HECW1: variants seen among roughly 807,000 people sequenced by gnomAD.
The protein encoded by HECW1 is E3 ubiquitin-protein ligase HECW1.
HECW1 carries 61 observed loss-of-function variants against 182.3 expected under a neutral mutation model. That is an observed-to-expected ratio of 0.33 (90% CI 0.27 to 0.41). The LOEUF (loss-of-function observed/expected upper bound fraction) is 0.41. Ranked by LOEUF, HECW1 falls within the 10% of genes least tolerant of loss-of-function variation. The probability of loss-of-function intolerance (pLI) is 1.00; values close to 1 mark genes in which losing one functional copy is unlikely to be tolerated. For synonymous variants in HECW1, 859 were observed against 832.6 expected (o/e 1.03, Z -0.55); for missense variants, 1,739 against 2,108.9 (o/e 0.82, Z 3.44).
At chr7:43,327,894 G>A (rs867658247) in intron 5 of HECW1, among the ~76,000 whole-genome samples, 7 of 151,978 alleles carry the variant, frequency 4.6e-5, no homozygotes, top group South Asian at 4.2e-4. Flanking sequence ...TTAAAGGCAC[G>A]GCAGGGTGGA....
intron 2 of HECW1, among the ~76,000 whole-genome samples, chr7:43,170,990 C>T (rs1371903278): frequency 6.6e-6 from 1 of 152,190 alleles, no homozygotes; most frequent in South Asian, 2.1e-4. Context: ...GAGAAAGTGA[C>T]ACTGTTGTGG....
At chr7:43,135,838 T>G (rs1787467998) in intron 2 of HECW1, among the ~76,000 whole-genome samples, 1 of 152,238 alleles carries the variant, frequency 6.6e-6, no homozygotes, top group African/African-American at 2.4e-5. Context: ...AACTTGCATT[T>G]CATTTCGTTT....
chr7:43,319,243 C>A (rs946812971), intron 4 of HECW1, among the ~76,000 whole-genome samples: 4 of 151,186 alleles, frequency 2.6e-5, no homozygotes, highest in African/African-American at 9.7e-5. Flanking sequence ...AAAAATTAGC[C>A]GGGCGCGGTG....
intron 3 of HECW1, among the ~76,000 whole-genome samples, chr7:43,275,587 TA>T (rs1212029481): frequency 6.6e-6 from 1 of 152,200 alleles, no homozygotes; most frequent in Non-Finnish European, 1.5e-5. Flanking sequence ...GAGAGTAATG[TA>T]GATGCAAATG....
At chr7:43,417,525 A>G (rs189287210) in intron 8 of HECW1, among the ~76,000 whole-genome samples, 1 of 152,208 alleles carries the variant, frequency 6.6e-6, no homozygotes, top group African/African-American at 2.4e-5. Context: ...TTCACTGGAT[A>G]TAGAATTCTG....
At chr7:43,209,523 C>A (rs1231165033) in intron 2 of HECW1, among the ~76,000 whole-genome samples, 1 of 152,132 alleles carries the variant, frequency 6.6e-6, no homozygotes, top group African/African-American at 2.4e-5. Context: ...TACAAGAGAG[C>A]TTCTCTCTCT....
chr7:43,225,369 G>A (rs1797333221), intron 2 of HECW1, among the ~76,000 whole-genome samples: 1 of 152,182 alleles, frequency 6.6e-6, no homozygotes, highest in African/African-American at 2.4e-5. Flanking sequence ...CAAAGTGGAG[G>A]ATGGGCTGAC....
At chr7:43,455,021 T>C (rs934420617) in intron 12 of HECW1, among the ~76,000 whole-genome samples, 1 of 152,222 alleles carries the variant, frequency 6.6e-6, no homozygotes, top group African/African-American at 2.4e-5. Flanking sequence ...TATGTTTCGC[T>C]CAGACGTGAA....
chr7:43,136,455 T>C (rs1226197799), intron 2 of HECW1, among the ~76,000 whole-genome samples: 6 of 152,188 alleles, frequency 3.9e-5, no homozygotes, highest in Admixed American at 3.9e-4. Context: ...CTTCCTCAGC[T>C]GGGCTGAAAT....
At chr7:43,184,221 G>A (rs911494749) in intron 2 of HECW1, among the ~76,000 whole-genome samples, 2 of 152,120 alleles carry the variant, frequency 1.3e-5, no homozygotes, top group African/African-American at 2.4e-5. Context: ...CACTGTGTTA[G>A]CCAGGATGAT....
chr7:43,507,175 C>G lies in HECW1; in HGVS notation c.3670C>G (p.Arg1224Gly). The part of the protein sequence containing the change: ...RASARAPSPY[R>G]RDFEAKLRNF... ...CAGTGCAAGAGCCCCTTCCCCCTAC[C>G]GAAGAGACTTTGAGGCCAAGCTCCG... Residue 1224 changes from arginine to glycine, a missense_variant, in exon 22 of 30, where the codon CGA becomes GGA. By Grantham distance (125) the Arg-to-Gly change is moderately radical. This residue lies in a region of HECW1 where 420 missense variants were observed against 595.7 expected (regional missense o/e 0.71). Coordinates refer to ENST00000395891, the MANE Select transcript of HECW1 (RefSeq NM_015052.5). 1 of 1,613,980 alleles carries G rather than the reference C, an allele frequency of 6.2e-7. No individual in the cohort carries two copies. Among genetic ancestry groups the G allele is most frequent in the Non-Finnish European group, 8.5e-7 (1 of 1,179,882 alleles).
intron 2 of HECW1, among the ~76,000 whole-genome samples, chr7:43,131,078 C>T (rs1447356324): frequency 7.0e-6 from 1 of 142,388 alleles, no homozygotes; most frequent in Non-Finnish European, 1.6e-5. Context: ...CCAGCCTGGC[C>T]AATATGGTGA....
intron 4 of HECW1, among the ~76,000 whole-genome samples, chr7:43,312,957 G>T (rs918730425): frequency 3.3e-5 from 5 of 152,232 alleles, no homozygotes; most frequent in African/African-American, 1.2e-4. Flanking sequence ...TTCAGTCTGT[G>T]CTCTGCAACA....
At chr7:43,120,543 C>T (rs1363544948) in intron 2 of HECW1, among the ~76,000 whole-genome samples, 1 of 152,206 alleles carries the variant, frequency 6.6e-6, no homozygotes, top group Non-Finnish European at 1.5e-5. Context: ...TGTTTGCTGA[C>T]TGACCGAATG....
intron 3 of HECW1, among the ~76,000 whole-genome samples, 182 bp downstream of exon 3, chr7:43,244,114 A>G (rs551924185): frequency 6.6e-6 from 1 of 152,262 alleles, no homozygotes; most frequent in African/African-American, 2.4e-5. Context: ...CATCCACCCC[A>G]GAATTCGACT....
chr7:43,313,348 T>C (rs1808776375), intron 4 of HECW1, among the ~76,000 whole-genome samples: 1 of 151,920 alleles, frequency 6.6e-6, no homozygotes, highest in South Asian at 2.1e-4. Flanking sequence ...CATTTTTTTT[T>C]TTTTTTGAGA....
chr7:43,266,478 G>T (rs1029069417), intron 3 of HECW1, among the ~76,000 whole-genome samples: 2 of 152,106 alleles, frequency 1.3e-5, no homozygotes, highest in Admixed American at 6.6e-5. Context: ...GGGCTTACAG[G>T]CATCTGCCAC....
chr7:43,325,839 C>A (rs1206664744), intron 5 of HECW1, among the ~76,000 whole-genome samples: 1 of 152,198 alleles, frequency 6.6e-6, no homozygotes, highest in East Asian at 1.9e-4. Context: ...GATGCACACC[C>A]AGATTGCTGC....
At chr7:43,197,081 T>C (rs540759501) in intron 2 of HECW1, among the ~76,000 whole-genome samples, 1 of 152,250 alleles carries the variant, frequency 6.6e-6, no homozygotes, top group East Asian at 1.9e-4. Context: ...GACCTATTAA[T>C]TGGAACACAA....
Sources: gnomAD v4.1 joint callset for allele counts (sites outside exome capture counted in the v4.1 genomes callset) on GRCh38, gnomAD v4.1.1 for gene constraint, gnomAD v4.1.1 regional missense constraint, MANE v1.5 for transcripts, NCBI Gene and HGNC (gene_info 2026-07-23, HGNC 2026-07-21) for gene names.